MAP1LC3A: variants seen among roughly 807,000 people sequenced by gnomAD.
The protein encoded by MAP1LC3A is microtubule-associated protein 1 light chain 3 alpha.
A neutral mutation model predicts 15.2 loss-of-function variants in MAP1LC3A; 10 were observed. The ratio of observed to expected loss-of-function variants is 0.66; its 90% CI spans 0.41 to 1.12. The LOEUF is 1.12. MAP1LC3A is among the 50% of genes most tolerant of loss of function. The pLI, the probability that MAP1LC3A is intolerant of heterozygous loss-of-function variation, is 0.00. For missense variants in MAP1LC3A, 138 were observed against 167.3 expected, an observed-to-expected ratio of 0.82 and a Z score of 0.97; for synonymous variants, 63 against 64.3, an observed-to-expected ratio of 0.98 and a Z score of 0.10.
chr20:34,559,936 C>A lies in MAP1LC3A; in HGVS notation c.*38C>A. 1 of 1,583,004 alleles carries A rather than the reference C, an allele frequency of 6.3e-7. No individual in the cohort carries two copies. ...GGGGCTCGGCCTGGGAGTCGGGCGG[C>A]CCCGGTCAGGCCCTGCCCAGAGAGC... On this transcript the variant is annotated 3_prime_UTR_variant, in exon 4 of 4. Transcript: ENST00000360668.
chr20:34,547,071 G>A (rs544176129), intron 1 of MAP1LC3A, among the ~76,000 whole-genome samples: 5 of 152,284 alleles, frequency 3.3e-5, no homozygotes, highest in African/African-American at 7.2e-5. Flanking sequence ...GCCAGGGAGC[G>A]GCCCAGATGG....
chr20:34,559,706 C>A, intron 3 of MAP1LC3A, 30 bp from the exon 4 acceptor site: 1 of 1,584,484 alleles, frequency 6.3e-7, no homozygotes, highest in South Asian at 1.1e-5. Context: ...CCAAGCCCCT[C>A]ACAGCTGCAT....
exon 2 of MAP1LC3A, chr20:34,550,021 T>C (rs917854199): frequency 1.1e-5 from 17 of 1,614,060 alleles, no homozygotes; most frequent in Non-Finnish European, 1.4e-5. Flanking sequence ...AAAGCAGCTG[T>C]GGACCCAGGT....
At chr20:34,552,732 A>G (rs535532221) in intron 2 of MAP1LC3A, among the ~76,000 whole-genome samples, 1 of 152,260 alleles carries the variant, frequency 6.6e-6, no homozygotes. Context: ...GCAGTTCTGC[A>G]AGATGTGGTC....
chr20:34,557,329 T>C (rs142701024), upstream of MAP1LC3A, among the ~76,000 whole-genome samples: 434 of 152,348 alleles, frequency 2.8e-3, 2 homozygotes, highest in African/African-American at 9.9e-3. Flanking sequence ...TTCTCTGCAT[T>C]GGCAGTTATA....
In MAP1LC3A at chr20:34,558,753, T is replaced by C; in HGVS notation, c.-116T>C. 7.6e-7 allele frequency: 1 copy of C among 1,321,824 alleles called. No individual in the cohort carries two copies. The highest frequency in any genetic ancestry group is 9.6e-7 in the Non-Finnish European group (1 of 1,041,970). The allele number at this position is 1,321,824 out of a possible 1,614,324, so 81.9% of individuals were successfully genotyped here. A position where few individuals can be genotyped will look rare whatever the true frequency, so the allele number is the denominator to read the frequency against. On this transcript the variant is annotated 5_prime_UTR_variant, in exon 1 of 4. Transcript: ENST00000360668. The surrounding 1 kb of genome is among the most constrained non-coding windows in gnomAD (Gnocchi z 4.3). ...CCTCCCGCAGCCGCAGCCGCCGTGCTCAGCGCGAGCCCCGGAGCCCTTGAG... is the reference window on the plus strand; with the variant it reads ...CCTCCCGCAGCCGCAGCCGCCGTGCCCAGCGCGAGCCCCGGAGCCCTTGAG...
chr20:34,549,467 G>A (rs1057284476), intron 1 of MAP1LC3A, among the ~76,000 whole-genome samples: 5 of 152,180 alleles, frequency 3.3e-5, no homozygotes, highest in Non-Finnish European at 7.3e-5. Context: ...AAGTCACAGC[G>A]GTGTTGATGC....
At chr20:34,559,563 CCT>C in intron 3 of MAP1LC3A, 110 bp downstream of exon 3, 2 of 1,267,482 alleles carry the variant, frequency 1.6e-6, no homozygotes, top group Non-Finnish European at 2.2e-6. Context: ...GCGGTGGGCC[CCT>C]GTTCTGGGGT....
Position 34,560,119 on chromosome 20 carries a change from A to G in MAP1LC3A, c.*221A>G. On this transcript the variant is annotated 3_prime_UTR_variant, in exon 4 of 4. Transcript: ENST00000360668. The stretch of plus-strand genomic sequence containing the variant: ...TGGGTGCTGGCTGGTGGGATGGGGG[A>G]GGGTGGGGAGCAGCTCCCAGCACCC... 3 of 277,820 alleles carry G rather than the reference A, an allele frequency of 1.1e-5. No individual in the cohort carries two copies. Among genetic ancestry groups the G allele is most frequent in the Non-Finnish European group, 2.1e-5 (3 of 141,478 alleles). 17.2% of individuals were successfully genotyped at this position (277,820 alleles called of 1,614,324 possible).
chr20:34,555,654 T>C (rs1341901404), upstream of MAP1LC3A, among the ~76,000 whole-genome samples: 1 of 139,392 alleles, frequency 7.2e-6, no homozygotes, highest in African/African-American at 2.8e-5. Flanking sequence ...ATAAATCTGA[T>C]TTTTTTTTTT....
upstream of MAP1LC3A, among the ~76,000 whole-genome samples, chr20:34,556,883 G>A (rs150353331): frequency 2.1e-4 from 32 of 152,332 alleles, no homozygotes; most frequent in East Asian, 2.7e-3. Context: ...TTACTGGCAT[G>A]AGCCACTGCG....
At chr20:34,547,998 G>A (rs1436023026) in intron 1 of MAP1LC3A, among the ~76,000 whole-genome samples, 5 of 152,118 alleles carry the variant, frequency 3.3e-5, no homozygotes, top group Non-Finnish European at 7.4e-5. Context: ...TGCCCTCTAG[G>A]GCAGACGAGG....
chr20:34,554,358 T>G (rs1372680689), upstream of MAP1LC3A, among the ~76,000 whole-genome samples: 2 of 3,364 alleles, frequency 5.9e-4, no homozygotes, highest in South Asian at 3.2e-3. Flanking sequence ...CGTTGGGTTT[T>G]TTTTTTTTTT....
Position 34,558,958 on chromosome 20 carries a change from A to AC in MAP1LC3A, c.40+54dup. 1 of 1,346,156 alleles carries AC rather than the reference A, an allele frequency of 7.4e-7. No individual in the cohort carries two copies. The highest frequency in any genetic ancestry group is 1.8e-5 in the South Asian group (1 of 55,430). The allele number at this position is 1,346,156 out of a possible 1,614,324, so 83.4% of individuals were successfully genotyped here. ...AGCTCTGGGGCAGGGGTGCCGGCCG[A>AC]CCCCGACTGCCGCAGGTGACGTCAG... On this transcript the variant is annotated intron_variant, in intron 1 of 3. Coordinates refer to ENST00000360668, the MANE Select transcript of MAP1LC3A (RefSeq NM_032514.4). This position sits in a 1 kb window ranked among gnomAD's most constrained non-coding sequence, Gnocchi z 4.3.
intron 1 of MAP1LC3A, among the ~76,000 whole-genome samples, chr20:34,549,454 G>A (rs908723221): frequency 1.4e-4 from 21 of 152,192 alleles, no homozygotes; most frequent in African/African-American, 4.6e-4. Flanking sequence ...TAAACGAGGC[G>A]CCAAGTCACA....
chr20:34,554,354 G>GTTTT (rs537779341), upstream of MAP1LC3A, among the ~76,000 whole-genome samples: 30 of 106,160 alleles, frequency 2.8e-4, no homozygotes, highest in South Asian at 6.8e-4. Context: ...TATACGTTGG[G>GTTTT]TTTTTTTTTT....
In MAP1LC3A at chr20:34,559,217, G is replaced by GTT; in HGVS notation, c.51_52insTT (p.Lys18LeufsTer17). 6.2e-7 allele frequency: 1 copy of GTT among 1,601,892 alleles called. No homozygotes were observed. Among genetic ancestry groups the GTT allele is most frequent in the Admixed American group, 1.7e-5 (1 of 59,426 alleles). On this transcript the variant is annotated frameshift_variant, in exon 2 of 4. Transcript: ENST00000360668. LOFTEE classifies it high-confidence loss of function. ...TGGCCGCTGTCCGCAGCCGACCGCT[G>GTT]TAAGGAGGTACAGCAGATCCGCGAC...
intron 1 of MAP1LC3A, among the ~76,000 whole-genome samples, chr20:34,549,555 G>T (rs536150662): frequency 5.3e-5 from 8 of 152,342 alleles, no homozygotes; most frequent in East Asian, 1.9e-4. Flanking sequence ...GATTGATGGG[G>T]TGGCACGTTA....
chr20:34,548,002 G>C (rs1170690911), intron 1 of MAP1LC3A, among the ~76,000 whole-genome samples: 1 of 152,122 alleles, frequency 6.6e-6, no homozygotes, highest in Non-Finnish European at 1.5e-5. Flanking sequence ...CTCTAGGGCA[G>C]ACGAGGGAGG....
Sources: allele counts gnomAD v4.1 joint callset (sites outside exome capture counted in the v4.1 genomes callset), GRCh38; gene constraint gnomAD v4.1.1; non-coding constraint Gnocchi (gnomAD v3.1); transcripts MANE v1.5; gene names NCBI Gene and HGNC (gene_info 2026-07-23, HGNC 2026-07-21).